Variants in KIAA0319 observed in about 807,000 individuals in gnomAD.
KIAA0319 encodes the protein KIAA0319, also known as dyslexia-associated protein KIAA0319.
A neutral mutation model predicts 108.4 loss-of-function variants in KIAA0319; 83 were observed. The observed-to-expected ratio is 0.77, with a 90% CI of 0.64 to 0.92. KIAA0319 has a LOEUF of 0.92. Ranked by LOEUF, KIAA0319 falls within the 40% of genes least tolerant of loss-of-function variation. KIAA0319 has a pLI of 0.00. For synonymous variants in KIAA0319, 484 were observed against 510.4 expected (o/e 0.95, Z 0.70); for missense variants, 1,195 against 1,322.4 (o/e 0.90, Z 1.49).
At position 24,544,552 on chromosome 6, in the gene KIAA0319, T is replaced by G. The variant is rs562436145; in HGVS notation, c.*2613A>C. ...CACTGGCTTGTTGAGTGGTACATTT[T>G]CTTACCTTGCTGCATGTTTTTCAGA... On this transcript the variant is annotated 3_prime_UTR_variant, in exon 21 of 21. Coordinates refer to ENST00000378214, the MANE Select transcript of KIAA0319 (RefSeq NM_014809.4). The G allele has an allele frequency of 6.6e-6, 1 of 152,318 alleles. No homozygotes were observed. Among genetic ancestry groups the G allele is most frequent in the East Asian group, 1.9e-4 (1 of 5,180 alleles). 9.4% of individuals were successfully genotyped at this position (152,318 alleles called of 1,614,324 possible). A position where few individuals can be genotyped will look rare whatever the true frequency, so the allele number is the denominator to read the frequency against.
At chr6:24,640,095 A>G (rs1447378259) in intron 1 of KIAA0319, among the ~76,000 whole-genome samples, 8 of 152,170 alleles carry the variant, frequency 5.3e-5, no homozygotes, top group African/African-American at 1.9e-4. Context: ...ATTGATACAT[A>G]ATAGTTGTAT....
intron 1 of KIAA0319, among the ~76,000 whole-genome samples, chr6:24,614,961 C>T (rs1047346575): frequency 6.6e-6 from 1 of 151,740 alleles, no homozygotes; most frequent in East Asian, 1.9e-4. Context: ...AACTATATCC[C>T]CAGGAACTAT....
intron 14 of KIAA0319, among the ~76,000 whole-genome samples, chr6:24,565,623 C>T (rs569765939): frequency 9.2e-4 from 139 of 150,848 alleles, no homozygotes; most frequent in Non-Finnish European, 1.6e-3. Flanking sequence ...CGTGGTGGCA[C>T]GTGCCTGTAG....
At chr6:24,571,702 C>T (rs1331741526) in intron 11 of KIAA0319, among the ~76,000 whole-genome samples, 8 of 152,176 alleles carry the variant, frequency 5.3e-5, no homozygotes, top group Non-Finnish European at 1.2e-4. Flanking sequence ...TCTTCTTTGG[C>T]GCCCACGCAT....
intron 19 of KIAA0319, among the ~76,000 whole-genome samples, chr6:24,552,471 C>T (rs1761652858): frequency 6.6e-6 from 1 of 152,218 alleles, no homozygotes. Flanking sequence ...TCACATATGG[C>T]TCTGGGAAAA....
At position 24,563,492 on chromosome 6, in the gene KIAA0319, G is replaced by T. The variant is rs764277942; in HGVS notation, c.2458C>A (p.Leu820Met). The T allele has an allele frequency of 1.9e-6, 3 of 1,611,994 alleles. No individual in the cohort carries two copies. The highest frequency in any genetic ancestry group is 1.7e-6 in the Non-Finnish European group (2 of 1,179,602). Residue 820 changes from leucine to methionine, a missense_variant, in exon 16 of 21, where the codon CTG becomes ATG. Physicochemically the swap from Leu to Met is conservative, Grantham distance 15 (BLOSUM62 2). Transcript: ENST00000378214. ...TGCCCAACACCAACCTGCAGGGTCAGCTCCACCAGGCCACTCTTCCTAGGG... is the reference window on the plus strand; with the variant it reads ...TGCCCAACACCAACCTGCAGGGTCATCTCCACCAGGCCACTCTTCCTAGGG... ...PDPRKSGLVELTLQVGVGQLT... is the reference protein window; with the variant it reads ...PDPRKSGLVEMTLQVGVGQLT...
chr6:24,572,444 G>A (rs1050834269), intron 11 of KIAA0319, 131 bp downstream of exon 11: 10 of 995,536 alleles, frequency 1.0e-5, no homozygotes, highest in Non-Finnish European at 1.4e-5. Flanking sequence ...ACCTTGAAAT[G>A]AAATTAGTTT....
intron 12 of KIAA0319, 102 bp downstream of exon 12, chr6:24,569,801 T>C: frequency 1.4e-6 from 2 of 1,426,638 alleles, no homozygotes; most frequent in Non-Finnish European, 1.9e-6. Flanking sequence ...TCCCGACTCC[T>C]CAAAATGCGC....
In KIAA0319 at chr6:24,599,550, A is replaced by T; in HGVS notation, c.55+1499T>A. 3.4e-6 allele frequency: 2 copies of T among 579,946 alleles called. No individual in the cohort carries two copies. The highest frequency in any genetic ancestry group is 6.6e-6 in the Non-Finnish European group (2 of 302,562). The allele number at this position is 579,946 out of a possible 1,614,324, so 35.9% of individuals were successfully genotyped here. ...CAGGAAGGTGCTGGAGGGCGAGGAG[A>T]GCTGGCTGGAGTCTGGGATGCAGAA... On this transcript the variant is annotated intron_variant, in intron 2 of 20. Coordinates refer to ENST00000378214, the MANE Select transcript of KIAA0319 (RefSeq NM_014809.4). This position sits in a 1 kb window ranked among gnomAD's most constrained non-coding sequence, Gnocchi z 4.1.
At chr6:24,641,822 A>G (rs1420163658) in intron 1 of KIAA0319, among the ~76,000 whole-genome samples, 1 of 151,992 alleles carries the variant, frequency 6.6e-6, no homozygotes, top group Non-Finnish European at 1.5e-5. Context: ...ACTTGCGCCC[A>G]GGAGTTCAAA....
chr6:24,599,616 G>A lies in KIAA0319; in HGVS notation c.55+1433C>T. 1 of 626,526 alleles carries A rather than the reference G, an allele frequency of 1.6e-6. No homozygotes were observed. The highest frequency in any genetic ancestry group is 3.0e-6 in the Non-Finnish European group (1 of 336,902). 38.8% of individuals were successfully genotyped at this position (626,526 alleles called of 1,614,324 possible). A position where few individuals can be genotyped will look rare whatever the true frequency, so the allele number is the denominator to read the frequency against. On this transcript the variant is annotated intron_variant, in intron 2 of 20. Transcript: ENST00000378214. The surrounding 1 kb of genome is among the most constrained non-coding windows in gnomAD (Gnocchi z 4.1). ...AAAGACCACCAGTGGCTACTCAGGTGAGCTGAGCTCAGCCTATGGGGGCCT... is the reference window on the plus strand; with the variant it reads ...AAAGACCACCAGTGGCTACTCAGGTAAGCTGAGCTCAGCCTATGGGGGCCT...
At chr6:24,588,863 C>T (rs1767988298) in intron 3 of KIAA0319, 78 bp from the exon 4 acceptor site, 2 of 1,178,976 alleles carry the variant, frequency 1.7e-6, no homozygotes, top group Admixed American at 2.2e-5. Flanking sequence ...ATGTTACCAA[C>T]CTTTTTCATA....
intron 10 of KIAA0319, among the ~76,000 whole-genome samples, chr6:24,575,364 AT>A (rs1356864386): frequency 1.5e-4 from 23 of 152,206 alleles, no homozygotes; most frequent in African/African-American, 5.1e-4. Flanking sequence ...GTAAAAGAAA[AT>A]TAGGAAGATT....
intron 1 of KIAA0319, among the ~76,000 whole-genome samples, chr6:24,613,440 G>A (rs1347415153): frequency 6.6e-6 from 1 of 151,980 alleles, no homozygotes; most frequent in Admixed American, 6.6e-5. Context: ...ATGCCCATGT[G>A]CCCTGGGCAG....
At chr6:24,577,658 C>T (rs1047568965) in intron 9 of KIAA0319, among the ~76,000 whole-genome samples, 2 of 152,188 alleles carry the variant, frequency 1.3e-5, no homozygotes, top group African/African-American at 4.8e-5. Context: ...GGCACCTGTG[C>T]ATTCTGAGCT....
intron 19 of KIAA0319, 81 bp from the exon 20 acceptor site, chr6:24,551,606 T>A: frequency 1.0e-6 from 1 of 957,248 alleles, no homozygotes; most frequent in Non-Finnish European, 1.7e-6. Context: ...GTAAAGACAC[T>A]AAAGGAAACA....
chr6:24,602,873 A>G (rs529811660), intron 1 of KIAA0319, among the ~76,000 whole-genome samples: 1 of 152,350 alleles, frequency 6.6e-6, no homozygotes, highest in East Asian at 1.9e-4. Context: ...CGCAGGTAAT[A>G]TGTGGAAAAC....
At chr6:24,627,136 TA>T (rs2127579584) in intron 1 of KIAA0319, among the ~76,000 whole-genome samples, 1 of 152,338 alleles carries the variant, frequency 6.6e-6, no homozygotes, top group African/African-American at 2.4e-5. Context: ...TCCATAATGA[TA>T]ACATGTAATA....
At chr6:24,610,567 A>G (rs1434381202) in intron 1 of KIAA0319, among the ~76,000 whole-genome samples, 1 of 152,158 alleles carries the variant, frequency 6.6e-6, no homozygotes, top group Non-Finnish European at 1.5e-5. Context: ...CAGCAATTCT[A>G]CTCCTATGTA....
Sources: gnomAD v4.1 joint callset for allele counts (sites outside exome capture counted in the v4.1 genomes callset) on GRCh38, gnomAD v4.1.1 for gene constraint, Gnocchi (gnomAD v3.1) non-coding constraint, MANE v1.5 for transcripts, NCBI Gene and HGNC (gene_info 2026-07-23, HGNC 2026-07-21) for gene names.